Variants in EXOC4 observed in about 807,000 individuals in gnomAD.
EXOC4 encodes the protein SEC8-like 1.
A neutral mutation model predicts 107.2 loss-of-function variants in EXOC4; 71 were observed. The observed-to-expected ratio is 0.66, with a 90% CI of 0.55 to 0.81. The LOEUF (loss-of-function observed/expected upper bound fraction) is 0.81, where lower values mean the gene tolerates loss of function less well. EXOC4 is among the 30% of genes least tolerant of loss of function. The pLI is 0.00. For synonymous variants in EXOC4, 456 were observed against 441.2 expected (o/e 1.03, Z -0.42); for missense variants, 1,108 against 1,189.6 (o/e 0.93, Z 1.01).
chr7:133,940,122 A>G (rs1585264025), intron 14 of EXOC4, among the ~76,000 whole-genome samples: 1 of 152,310 alleles, frequency 6.6e-6, no homozygotes, highest in East Asian at 1.9e-4. Flanking sequence ...CTTATTTCTA[A>G]TGACATACCA....
chr7:133,509,568 TC>T (rs1799729478), intron 9 of EXOC4, among the ~76,000 whole-genome samples: 2 of 151,618 alleles, frequency 1.3e-5, no homozygotes, highest in Non-Finnish European at 1.5e-5. Context: ...TAGTGGGCCA[TC>T]CCGGACTCTA....
At chr7:134,049,739 TA>T (rs1461404705) in intron 17 of EXOC4, among the ~76,000 whole-genome samples, 12 of 152,348 alleles carry the variant, frequency 7.9e-5, no homozygotes, top group Middle Eastern at 6.8e-3. Flanking sequence ...GACTATGTTT[TA>T]CTTACCTCTG....
chr7:133,454,667 C>T (rs944613014), intron 7 of EXOC4, among the ~76,000 whole-genome samples: 1 of 152,208 alleles, frequency 6.6e-6, no homozygotes, highest in Non-Finnish European at 1.5e-5. Flanking sequence ...AAAATTTCTT[C>T]CTTGCTAATA....
chr7:133,986,678 T>A (rs1035522163), intron 14 of EXOC4, among the ~76,000 whole-genome samples: 3 of 152,228 alleles, frequency 2.0e-5, no homozygotes, highest in Admixed American at 2.0e-4. Flanking sequence ...TTCTTAAACA[T>A]GTATTTAGTG....
At chr7:133,962,998 T>TG (rs1224516004) in intron 14 of EXOC4, among the ~76,000 whole-genome samples, 2 of 152,248 alleles carry the variant, frequency 1.3e-5, no homozygotes, top group Non-Finnish European at 2.9e-5. Context: ...AGGATTTCAA[T>TG]ATGTTTTCAC....
At chr7:133,524,618 T>A (rs1800045435) in intron 9 of EXOC4, among the ~76,000 whole-genome samples, 1 of 151,318 alleles carries the variant, frequency 6.6e-6, no homozygotes, top group Non-Finnish European at 1.5e-5. Flanking sequence ...GATTTTTGTA[T>A]AAGGTGTAAG....
intron 10 of EXOC4, among the ~76,000 whole-genome samples, chr7:133,737,799 C>T (rs1474475582): frequency 6.6e-6 from 1 of 151,978 alleles, no homozygotes; most frequent in African/African-American, 2.4e-5. Context: ...TGGAATATGC[C>T]ATTCAGACTT....
chr7:133,641,850 G>A (rs1314583398), intron 10 of EXOC4, among the ~76,000 whole-genome samples: 2 of 152,152 alleles, frequency 1.3e-5, no homozygotes, highest in African/African-American at 4.8e-5. Context: ...GAACAGGTTC[G>A]ATAGAGGTGC....
Position 133,960,380 on chromosome 7 carries a change from G to C in EXOC4, c.2206+22311G>C, listed in dbSNP as rs184084718. Among the ~76,000 whole-genome samples, 468 of 152,268 alleles carry C rather than the reference G, an allele frequency of 3.1e-3. 4 individuals are homozygous for C. The highest frequency in any genetic ancestry group is 2.6e-3 in the Non-Finnish European group (178 of 68,024). ...ATACTGGCTTCATAGAATGATTTAG[G>C]GAGGGTTCCCTCTTTCTCTATCTTG... On this transcript the variant is annotated intron_variant, in intron 14 of 17. Coordinates refer to ENST00000253861, the MANE Select transcript of EXOC4 (RefSeq NM_021807.4).
intron 10 of EXOC4, among the ~76,000 whole-genome samples, chr7:133,725,438 C>T (rs563583385): frequency 5.3e-5 from 8 of 152,148 alleles, no homozygotes; most frequent in African/African-American, 1.7e-4. Context: ...TACAATGGCG[C>T]GATCTCAGCT....
intron 14 of EXOC4, among the ~76,000 whole-genome samples, chr7:133,943,272 C>T (rs1261232610): frequency 6.6e-6 from 1 of 152,176 alleles, no homozygotes. Flanking sequence ...TCTATCAAAA[C>T]ATGGTGAACT....
intron 7 of EXOC4, among the ~76,000 whole-genome samples, chr7:133,424,829 A>G (rs1797688560): frequency 1.3e-5 from 2 of 152,240 alleles, no homozygotes; most frequent in Non-Finnish European, 2.9e-5. Context: ...GAGGGAGATC[A>G]ATAGATGAGA....
intron 7 of EXOC4, among the ~76,000 whole-genome samples, chr7:133,382,126 AAGAC>A (rs1164145500): frequency 1.3e-5 from 2 of 152,162 alleles, no homozygotes; most frequent in African/African-American, 4.8e-5. Context: ...GGTAGAGACT[AAGAC>A]AGGCAAACTA....
chr7:133,765,889 G>A (rs1049652486), intron 10 of EXOC4, among the ~76,000 whole-genome samples: 8 of 151,786 alleles, frequency 5.3e-5, no homozygotes, highest in African/African-American at 1.9e-4. Flanking sequence ...CTTTCCTTTC[G>A]AAGGACAGAT....
chr7:133,322,903 T>A (rs1226529157), intron 5 of EXOC4, among the ~76,000 whole-genome samples: 2 of 152,220 alleles, frequency 1.3e-5, no homozygotes, highest in East Asian at 1.9e-4. Flanking sequence ...AGCAGTGGTT[T>A]GTAGTTCTCC....
chr7:133,858,463 A>T (rs541761503), intron 11 of EXOC4, among the ~76,000 whole-genome samples: 1 of 152,272 alleles, frequency 6.6e-6, no homozygotes, highest in East Asian at 1.9e-4. Flanking sequence ...ACCCAAAGGC[A>T]TTAAGGAAGT....
At chr7:133,711,531 G>T (rs902077090) in intron 10 of EXOC4, among the ~76,000 whole-genome samples, 1 of 152,196 alleles carries the variant, frequency 6.6e-6, no homozygotes, top group African/African-American at 2.4e-5. Flanking sequence ...AGACTGACAA[G>T]ACTCCCAACA....
At chr7:133,490,599 A>G (rs761216976) in intron 9 of EXOC4, among the ~76,000 whole-genome samples, 1 of 152,168 alleles carries the variant, frequency 6.6e-6, no homozygotes, top group Non-Finnish European at 1.5e-5. Context: ...TTTTCTACTA[A>G]TTAAGGAACT....
In EXOC4 at chr7:133,788,875, CT is replaced by C. The variant is rs1353781556; in HGVS notation, c.1515-28449del. Among the ~76,000 whole-genome samples the C allele has an allele frequency of 1.6e-4, 24 of 152,172 alleles. No homozygotes were observed. In the East Asian group the frequency reaches 4.1e-3, roughly 26 times the overall value. ...TCTACCTTCAGGCTGTATGGAGAAT[CT>C]GACTTTTTCTAGATGGCAAGATCTT... On this transcript the variant is annotated intron_variant, in intron 10 of 17. Transcript: ENST00000253861.
Sources: gnomAD v4.1 joint callset for allele counts (sites outside exome capture counted in the v4.1 genomes callset) on GRCh38, gnomAD v4.1.1 for gene constraint, MANE v1.5 for transcripts, NCBI Gene and HGNC (gene_info 2026-07-23, HGNC 2026-07-21) for gene names.